The following ARHGAP22 variants were observed in gnomAD, a reference collection of about 807,000 sequenced individuals.
The protein encoded by ARHGAP22 is Rho GTPase activating protein 22.
ARHGAP22 carries 48 observed loss-of-function variants against 59.1 expected under a neutral mutation model. The ratio of observed to expected loss-of-function variants is 0.81; its 90% CI spans 0.64 to 1.03. The LOEUF is 1.03. ARHGAP22 is among the 50% of genes least tolerant of loss of function. The pLI is 0.00. For missense variants in ARHGAP22, 1,015 were observed against 958.7 expected, an observed-to-expected ratio of 1.06 and a Z score of -0.78; for synonymous variants, 445 against 416.4, an observed-to-expected ratio of 1.07 and a Z score of -0.84.
upstream of ARHGAP22, among the ~76,000 whole-genome samples, chr10:48,655,007 T>TTC (rs1565069519): frequency 2.6e-4 from 22 of 84,898 alleles, 1 homozygote; most frequent in African/African-American, 9.8e-4. Context: ...TCTCTTTCTT[T>TTC]CTCTTTCTTT....
intron 2 of ARHGAP22, among the ~76,000 whole-genome samples, chr10:48,574,237 TATTC>T (rs59885986): frequency 6.6e-6 from 1 of 151,722 alleles, no homozygotes; most frequent in Admixed American, 6.6e-5. Flanking sequence ...TTTTCTCATT[TATTC>T]ATTCATTCAT....
rs1814470 is a variant in ARHGAP22 at position 48,535,218 on chromosome 10, C to A, written c.322+20245G>T. ...AACCTCCTTTTACAGATAAGGAAAC[C>A]GGGCACATCAATCAGGTAATTCATG... On this transcript the variant is annotated intron_variant, in intron 3 of 9. Coordinates refer to ENST00000249601, the MANE Select transcript of ARHGAP22 (RefSeq NM_021226.4). Among the ~76,000 whole-genome samples the A allele has an allele frequency of 1.7e-4, 26 of 152,344 alleles. 1 individual carries two copies. Among genetic ancestry groups the A allele is most frequent in the African/African-American group, 5.5e-4 (23 of 41,562 alleles).
intron 3 of ARHGAP22, among the ~76,000 whole-genome samples, chr10:48,504,630 CAGG>C (rs1292954487): frequency 1.3e-5 from 2 of 152,150 alleles, no homozygotes; most frequent in African/African-American, 4.8e-5. Context: ...GGCAGATGGA[CAGG>C]AGAACTGCAA....
At position 48,583,129 on chromosome 10, in the gene ARHGAP22, C is replaced by T; in HGVS notation, c.58G>A (p.Gly20Arg). The T allele has an allele frequency of 6.2e-7, 1 of 1,614,208 alleles. No homozygotes were observed. The highest frequency in any genetic ancestry group is 1.1e-5 in the South Asian group (1 of 91,078). The stretch of plus-strand genomic sequence containing the variant: ...CGCCCAGGGCTCCGGCTCTGCTCCC[C>T]CATCACTAGGCTTTTGGAGCGGGCT... ...RRARSKSLVM[G>R]EQSRSPGRMP... The change falls in exon 2 of 10, where the codon GGG (glycine) becomes AGG (arginine). Residue 20 changes from glycine to arginine, a missense_variant. By Grantham distance (125) the Gly-to-Arg change is moderately radical. Transcript: ENST00000249601.
chr10:48,617,796 C>A (rs1453265243), intron 1 of ARHGAP22, among the ~76,000 whole-genome samples: 1 of 151,840 alleles, frequency 6.6e-6, no homozygotes, highest in African/African-American at 2.4e-5. Context: ...AAAGCAAGAA[C>A]AAACCAAACC....
At chr10:48,496,482 A>G (rs2050943943) in intron 3 of ARHGAP22, among the ~76,000 whole-genome samples, 1 of 152,192 alleles carries the variant, frequency 6.6e-6, no homozygotes, top group African/African-American at 2.4e-5. Flanking sequence ...AGGCTCAGAG[A>G]GATGGACTTT....
chr10:48,504,165 G>GTC (rs2051832106), intron 3 of ARHGAP22, among the ~76,000 whole-genome samples: 1 of 152,186 alleles, frequency 6.6e-6, no homozygotes, highest in Admixed American at 6.5e-5. Context: ...AGGACTGCCA[G>GTC]TCCTGGGATG....
intron 2 of ARHGAP22, among the ~76,000 whole-genome samples, chr10:48,568,146 G>A (rs917227684): frequency 6.6e-6 from 1 of 152,194 alleles, no homozygotes; most frequent in African/African-American, 2.4e-5. Flanking sequence ...GTCTTACTCT[G>A]ATGGTTAGAA....
chr10:48,515,154 A>G (rs867848958), intron 3 of ARHGAP22, among the ~76,000 whole-genome samples: 3 of 151,914 alleles, frequency 2.0e-5, no homozygotes, highest in African/African-American at 7.2e-5. Flanking sequence ...ATTGGCCAAT[A>G]AATTTTTTAA....
intron 2 of ARHGAP22, among the ~76,000 whole-genome samples, chr10:48,577,665 G>C (rs1015264988): frequency 2.0e-5 from 3 of 150,694 alleles, no homozygotes; most frequent in Admixed American, 6.6e-5. Flanking sequence ...GAAAGGGCCA[G>C]AGTCCCCATT....
intron 3 of ARHGAP22, among the ~76,000 whole-genome samples, chr10:48,517,245 T>C (rs1238784659): frequency 6.6e-6 from 1 of 152,230 alleles, no homozygotes; most frequent in African/African-American, 2.4e-5. Flanking sequence ...AATTAATTTC[T>C]ATAATACATG....
chr10:48,628,038 G>A (rs1424087600), intron 1 of ARHGAP22, among the ~76,000 whole-genome samples: 1 of 152,226 alleles, frequency 6.6e-6, no homozygotes, highest in East Asian at 1.9e-4. Flanking sequence ...GAGGGCAATG[G>A]CCACAGCTGG....
At chr10:48,496,311 C>T (rs182002361) in intron 3 of ARHGAP22, among the ~76,000 whole-genome samples, 2 of 152,204 alleles carry the variant, frequency 1.3e-5, no homozygotes, top group Admixed American at 6.5e-5. Context: ...TCTTCCTGTA[C>T]CAATAAAGAT....
Position 48,539,092 on chromosome 10 carries a change from C to A in ARHGAP22, c.322+16371G>T, listed in dbSNP as rs77518671. On this transcript the variant is annotated intron_variant, in intron 3 of 9. Transcript: ENST00000249601. ...TTGGAACGTCTCACCATTGCCTTGA[C>A]CAGCCTAGAGTAAACAAAAGGTTTC... 2.2e-3 allele frequency among the ~76,000 whole-genome samples: 331 copies of A among 152,260 alleles called. 2 individuals are homozygous for A. The highest frequency in any genetic ancestry group is 7.6e-3 in the African/African-American group (316 of 41,520).
intron 1 of ARHGAP22, among the ~76,000 whole-genome samples, chr10:48,651,707 G>T (rs557380891): frequency 6.6e-6 from 1 of 152,168 alleles, no homozygotes; most frequent in South Asian, 2.1e-4. Context: ...CATCCCACTT[G>T]GTCTAACAAT....
At chr10:48,481,093 C>T (rs182771497) in intron 3 of ARHGAP22, among the ~76,000 whole-genome samples, 11 of 152,380 alleles carry the variant, frequency 7.2e-5, no homozygotes, top group Non-Finnish European at 2.9e-5. Context: ...ATAAGCCCTG[C>T]TCGCCGGGGC....
intron 2 of ARHGAP22, among the ~76,000 whole-genome samples, chr10:48,572,635 C>T (rs2058468606): frequency 6.6e-6 from 1 of 152,176 alleles, no homozygotes; most frequent in African/African-American, 2.4e-5. Flanking sequence ...CATAGCTCCT[C>T]CTGTAACCCT....
chr10:48,639,318 G>C (rs1475807664), intron 1 of ARHGAP22, among the ~76,000 whole-genome samples: 2 of 152,258 alleles, frequency 1.3e-5, no homozygotes, highest in Non-Finnish European at 2.9e-5. Context: ...GGCTTGGACT[G>C]TATGCATGTG....
At chr10:48,454,858 C>T in intron 6 of ARHGAP22, 144 bp downstream of exon 6, 1 of 858,142 alleles carries the variant, frequency 1.2e-6, no homozygotes, top group Non-Finnish European at 1.6e-6. Flanking sequence ...ATGCTCCAGG[C>T]CCCCACCACA....
Sources: gnomAD v4.1 joint callset for allele counts (sites outside exome capture counted in the v4.1 genomes callset) on GRCh38, gnomAD v4.1.1 for gene constraint, MANE v1.5 for transcripts, NCBI Gene and HGNC (gene_info 2026-07-23, HGNC 2026-07-21) for gene names.